Variants in PHACTR2 observed in about 807,000 individuals in gnomAD.
PHACTR2 encodes chromosome 6 open reading frame 56.
In PHACTR2, 30 loss-of-function variants were observed where a neutral mutation model predicts 76.0. That is an observed-to-expected ratio of 0.39 (90% CI 0.30 to 0.54). The LOEUF is 0.54. Ranked by LOEUF, PHACTR2 falls within the 20% of genes least tolerant of loss-of-function variation. PHACTR2 has a pLI of 0.61. For synonymous variants in PHACTR2, 292 were observed against 292.5 expected, an observed-to-expected ratio of 1.00 and a Z score of 0.02; for missense variants, 696 against 781.1, an observed-to-expected ratio of 0.89 and a Z score of 1.30.
chr6:143,622,874 T>C (rs889944469), intron 1 of PHACTR2, among the ~76,000 whole-genome samples: 1 of 152,170 alleles, frequency 6.6e-6, no homozygotes, highest in African/African-American at 2.4e-5. Context: ...AAGGAAGATG[T>C]ACCATATACT....
At chr6:143,584,610 A>G (rs111361081) in intron 1 of PHACTR2, among the ~76,000 whole-genome samples, 6 of 152,214 alleles carry the variant, frequency 3.9e-5, no homozygotes, top group African/African-American at 1.4e-4. Context: ...ATAGGATTTG[A>G]TGTAACTATT....
chr6:143,786,132 A>T (rs1303489788), intron 10 of PHACTR2, among the ~76,000 whole-genome samples: 2 of 152,304 alleles, frequency 1.3e-5, no homozygotes, highest in Non-Finnish European at 2.9e-5. Flanking sequence ...TTTCCCTTTT[A>T]AAATGGAATG....
At chr6:143,564,888 A>G (rs1775340241) in intron 1 of PHACTR2, among the ~76,000 whole-genome samples, 1 of 144,800 alleles carries the variant, frequency 6.9e-6, no homozygotes, top group Non-Finnish European at 1.5e-5. Flanking sequence ...TTTTCTCCAG[A>G]TACATGAATA....
Position 143,807,448 on chromosome 6 carries a change from C to A in PHACTR2, c.1922+315C>A, listed in dbSNP as rs952441328. Among the ~76,000 whole-genome samples, 2 of 152,188 alleles carry A rather than the reference C, an allele frequency of 1.3e-5. No individual in the cohort carries two copies. Among genetic ancestry groups the A allele is most frequent in the Non-Finnish European group, 2.9e-5 (2 of 68,024 alleles). On this transcript the variant is annotated intron_variant, in intron 12 of 12. Transcript: ENST00000440869. This position sits in a 1 kb window ranked among gnomAD's most constrained non-coding sequence, Gnocchi z 5.5. ...CTCCTTCAAGAACACTAAAACTAAT[C>A]ATGCTGAATAAGAATTTCTAAAATT...
intron 4 of PHACTR2, among the ~76,000 whole-genome samples, chr6:143,756,275 C>A (rs1779295680): frequency 1.3e-5 from 2 of 152,166 alleles, no homozygotes; most frequent in South Asian, 4.1e-4. Context: ...CTCCTGAAGG[C>A]ACCTGATTCT....
chr6:143,576,738 T>C (rs991024399), intron 1 of PHACTR2, among the ~76,000 whole-genome samples: 2 of 151,924 alleles, frequency 1.3e-5, no homozygotes, highest in Non-Finnish European at 2.9e-5. Context: ...TAACCGGGTG[T>C]GGTGGCACAC....
In PHACTR2 at chr6:143,592,417, C is replaced by A. The variant is rs1775701742; in HGVS notation, c.217+55210C>A. On this transcript the variant is annotated intron_variant, in intron 1 of 11. Transcript: ENST00000367584. This position sits in a 1 kb window ranked among gnomAD's most constrained non-coding sequence, Gnocchi z 4.0. ...GGTAAGCCTAAGAAGAGGTAGGGAA[C>A]CCCAATTAACTGAGATTTTTCCATC... Among the ~76,000 whole-genome samples, 1 of 152,074 alleles carries A rather than the reference C, an allele frequency of 6.6e-6. No homozygotes were observed. The highest frequency in any genetic ancestry group is 1.5e-5 in the Non-Finnish European group (1 of 68,010).
intron 1 of PHACTR2, among the ~76,000 whole-genome samples, chr6:143,630,366 G>C (rs1043824132): frequency 6.6e-6 from 1 of 151,778 alleles, no homozygotes; most frequent in African/African-American, 2.4e-5. Flanking sequence ...TGTTTGACTT[G>C]ATGACATGTT....
rs901278097 is a variant in PHACTR2 at position 143,696,975 on chromosome 6, A to G, written c.47-15041A>G. On this transcript the variant is annotated intron_variant, in intron 1 of 12. Coordinates refer to ENST00000440869, the MANE Select transcript of PHACTR2 (RefSeq NM_001100164.2). The surrounding 1 kb of genome is among the most constrained non-coding windows in gnomAD (Gnocchi z 4.1). ...AAAGAATGATTCCTCGTCATTGAACATGTTACATTGTAGAGTCAGATGTTT... is the reference window on the plus strand; with the variant it reads ...AAAGAATGATTCCTCGTCATTGAACGTGTTACATTGTAGAGTCAGATGTTT... 3.3e-5 allele frequency among the ~76,000 whole-genome samples: 5 copies of G among 152,192 alleles called. No homozygotes were observed. Among genetic ancestry groups the G allele is most frequent in the Non-Finnish European group, 5.9e-5 (4 of 68,040 alleles).
rs1291608608 is a variant in PHACTR2, at chr6:143,570,347, C to T, written c.217+33140C>T. Among the ~76,000 whole-genome samples, 1 of 152,172 alleles carries T rather than the reference C, an allele frequency of 6.6e-6. No homozygotes were observed. The highest frequency in any genetic ancestry group is 1.5e-5 in the Non-Finnish European group (1 of 68,038). On this transcript the variant is annotated intron_variant, in intron 1 of 11. Coordinates refer to the PHACTR2 transcript ENST00000367584. The surrounding 1 kb of genome is among the most constrained non-coding windows in gnomAD (Gnocchi z 4.6). ...GGCCCTAATCACAAATGTCTTTGTACTCACAGTCATCTTATGCAGGGTTTG... is the reference window on the plus strand; with the variant it reads ...GGCCCTAATCACAAATGTCTTTGTATTCACAGTCATCTTATGCAGGGTTTG...
In PHACTR2 at chr6:143,788,845, A is replaced by C; in HGVS notation, c.1780A>C (p.Thr594Pro). Residue 594 changes from threonine to proline, a missense_variant, in exon 11 of 13, where the codon ACG becomes CCG. Coordinates refer to ENST00000440869, the MANE Select transcript of PHACTR2 (RefSeq NM_001100164.2). Reference sequence around the variant, plus strand: ...GCGATTTAACGAGTATGTAGAAGTCACGGATTCTCCTGACTATGACCGCCG... The same window carrying C: ...GCGATTTAACGAGTATGTAGAAGTCCCGGATTCTCCTGACTATGACCGCCG... ...ILRFNEYVEV[T>P]DSPDYDRRAD... 2 of 1,613,954 alleles carry C rather than the reference A, an allele frequency of 1.2e-6. No individual in the cohort carries two copies. The highest frequency in any genetic ancestry group is 1.7e-6 in the Non-Finnish European group (2 of 1,179,832).
At position 143,731,389 on chromosome 6, in the gene PHACTR2, G is replaced by C. The variant is rs1313216291; in HGVS notation, c.215-17596G>C. On this transcript the variant is annotated intron_variant, in intron 2 of 12. Transcript: ENST00000440869. The surrounding 1 kb of genome is among the most constrained non-coding windows in gnomAD (Gnocchi z 4.9). ...AGCAACCTCCGCCTCCCAGGTTCAA[G>C]TGATTCTCCTGCCTCAGCCTCCGGA... is the stretch of plus-strand genomic sequence containing the variant. 6.6e-6 allele frequency among the ~76,000 whole-genome samples: 1 copy of C among 152,074 alleles called. No individual in the cohort carries two copies. The highest frequency in any genetic ancestry group is 6.6e-5 in the Admixed American group (1 of 15,264).
At position 143,823,544 on chromosome 6, in the gene PHACTR2, T is replaced by C; in HGVS notation, c.1923-130T>C. The C allele has an allele frequency of 1.6e-6, 1 of 634,706 alleles. No individual in the cohort carries two copies. Among genetic ancestry groups the C allele is most frequent in the South Asian group, 2.1e-5 (1 of 47,660 alleles). 39.3% of individuals were successfully genotyped at this position (634,706 alleles called of 1,614,324 possible). A position where few individuals can be genotyped will look rare whatever the true frequency, so the allele number is the denominator to read the frequency against. On this transcript the variant is annotated intron_variant, in intron 12 of 12. Coordinates refer to ENST00000440869, the MANE Select transcript of PHACTR2 (RefSeq NM_001100164.2). This position sits in a 1 kb window ranked among gnomAD's most constrained non-coding sequence, Gnocchi z 5.7. ...AGTATTTTGTTATGACAGAAATTTGTAAACAGTAATTCAGTTGGGGGATAT... is the reference window on the plus strand; with the variant it reads ...AGTATTTTGTTATGACAGAAATTTGCAAACAGTAATTCAGTTGGGGGATAT...
rs1777449375 is a variant in PHACTR2 at position 143,683,698 on chromosome 6, A to T, written c.46+5489A>T. 6.6e-6 allele frequency among the ~76,000 whole-genome samples: 1 copy of T among 152,238 alleles called. No homozygotes were observed. On this transcript the variant is annotated intron_variant, in intron 1 of 12. Coordinates refer to ENST00000440869, the MANE Select transcript of PHACTR2 (RefSeq NM_001100164.2). This position sits in a 1 kb window ranked among gnomAD's most constrained non-coding sequence, Gnocchi z 4.1. Reference sequence around the variant, plus strand: ...ATCCATTTCCTTGTAAACCAGGCACAGGAAGAGGTCCTAAAGGCAAAAGCT... The same window carrying T: ...ATCCATTTCCTTGTAAACCAGGCACTGGAAGAGGTCCTAAAGGCAAAAGCT...
At chr6:143,626,273 C>T (rs1423473571) in intron 1 of PHACTR2, among the ~76,000 whole-genome samples, 1 of 152,068 alleles carries the variant, frequency 6.6e-6, no homozygotes, top group Non-Finnish European at 1.5e-5. Context: ...CACGGTTGCT[C>T]ACGCCCGTAA....
In PHACTR2 at chr6:143,798,138, G is replaced by A. The variant is rs543622212; in HGVS notation, c.1846-8919G>A. On this transcript the variant is annotated intron_variant, in intron 11 of 12. Transcript: ENST00000440869. ...TATCCCTTGTAAGTTGTGTCCCTACGTATTTTATTCTCTTTGTAGCAATTG... is the reference window on the plus strand; with the variant it reads ...TATCCCTTGTAAGTTGTGTCCCTACATATTTTATTCTCTTTGTAGCAATTG... 2.8e-4 allele frequency among the ~76,000 whole-genome samples: 42 copies of A among 152,208 alleles called. No individual in the cohort carries two copies. In the South Asian group the frequency reaches 5.8e-3, roughly 21 times the overall value.
intron 1 of PHACTR2, among the ~76,000 whole-genome samples, chr6:143,690,444 G>A (rs948290596): frequency 6.6e-6 from 1 of 152,002 alleles, no homozygotes; most frequent in African/African-American, 2.4e-5. Flanking sequence ...TATTTTGGCA[G>A]AGCACACAGG....
Position 143,610,462 on chromosome 6 carries a change from A to G in PHACTR2, c.13+2140A>G, listed in dbSNP as rs1479170752. On this transcript the variant is annotated intron_variant, in intron 1 of 11. Transcript: ENST00000305766. This position sits in a 1 kb window ranked among gnomAD's most constrained non-coding sequence, Gnocchi z 4.9. ...GGGCACTCGTACTGACAACTGGATC[A>G]TTAGTTTCAAGGAGCCAGACCTTCT... 2.0e-5 allele frequency among the ~76,000 whole-genome samples: 3 copies of G among 152,240 alleles called. No individual in the cohort carries two copies. Among genetic ancestry groups the G allele is most frequent in the African/African-American group, 7.2e-5 (3 of 41,460 alleles).
chr6:143,765,862 G>T lies in PHACTR2; in HGVS notation c.1232+64G>T, dbSNP rs1477131454. On this transcript the variant is annotated intron_variant, in intron 6 of 12. Transcript: ENST00000440869. The surrounding 1 kb of genome is among the most constrained non-coding windows in gnomAD (Gnocchi z 4.1). ...TAAAGATCACTAATATATTCTGTTG[G>T]AAATGAAGCACCGGGTTTGCTTTCT... 3 of 1,366,534 alleles carry T rather than the reference G, an allele frequency of 2.2e-6. No individual in the cohort carries two copies. The highest frequency in any genetic ancestry group is 3.0e-6 in the Non-Finnish European group (3 of 989,614). 84.7% of individuals were successfully genotyped at this position (1,366,534 alleles called of 1,614,324 possible).
Sources: gnomAD v4.1 joint callset for allele counts (sites outside exome capture counted in the v4.1 genomes callset) on GRCh38, gnomAD v4.1.1 for gene constraint, Gnocchi (gnomAD v3.1) non-coding constraint, MANE v1.5 for transcripts, NCBI Gene and HGNC (gene_info 2026-07-23, HGNC 2026-07-21) for gene names.